The following ZNF599 variants were observed in gnomAD, a reference collection of about 807,000 sequenced individuals.
ZNF599 encodes the protein zinc finger protein 599.
Under a neutral mutation model 11.7 loss-of-function variants are expected in ZNF599, and 10 were observed. That is an observed-to-expected ratio of 0.86 (90% CI 0.53 to 1.45). The LOEUF is 1.45. Ranked by LOEUF, ZNF599 falls within the 40% of genes most tolerant of loss-of-function variation. The probability of loss-of-function intolerance (pLI) is 0.00; values close to 1 mark genes in which losing one functional copy is unlikely to be tolerated. For synonymous variants in ZNF599, 232 were observed against 253.2 expected, an observed-to-expected ratio of 0.92 and a Z score of 0.79; for missense variants, 688 against 713.6, an observed-to-expected ratio of 0.96 and a Z score of 0.41.
At position 34,759,418 on chromosome 19, in the gene ZNF599, T is replaced by C. The variant is rs143329614; in HGVS notation, c.1383A>G (p.Thr461=). The change falls in exon 4 of 4, where the codon ACA becomes ACG. Residue 461 remains threonine (T), a synonymous_variant. Coordinates refer to ENST00000329285, the MANE Select transcript of ZNF599 (RefSeq NM_001007248.3). The stretch of plus-strand genomic sequence containing the variant: ...TATGTCGAATAAAAACAGAGTGGTG[T>C]GTAAAAGCCTTTCCACATTCACTGC... The part of the protein sequence containing the change: ...YECSECGKAF[T]HHSVFIRHNR... The C allele has an allele frequency of 6.2e-7, 1 of 1,613,962 alleles. No homozygotes were observed. The highest frequency in any genetic ancestry group is 8.5e-7 in the Non-Finnish European group (1 of 1,179,986).
chr19:34,788,023 C>T, the ZNF599 span, among the ~76,000 whole-genome samples: 6 of 152,162 alleles, frequency 3.9e-5, no homozygotes, highest in East Asian at 1.9e-4. Context: ...TTATTATTCC[C>T]TGAACAATAC....
upstream of ZNF599, chr19:34,773,223 C>A: frequency 4.1e-6 from 1 of 243,504 alleles, no homozygotes; most frequent in Non-Finnish European, 7.9e-6. Flanking sequence ...CCGGAAGTCC[C>A]GCCCACGCCG....
rs868778707 is a variant in ZNF599 at position 34,759,795 on chromosome 19, T to C, written c.1006A>G (p.Lys336Glu). ...FAQHMRIHTG[K>E]KLYECGECGK... is the part of the protein sequence containing the mutation. ...CATTCACCGCACTCATAGAGTTTCT[T>C]TCCAGTATGAATCCTCATATGTTGA... Residue 336 changes from lysine (K) to glutamate (E), a missense_variant, in exon 4 of 4, where the codon AAG (lysine) becomes GAG (glutamate). Coordinates refer to ENST00000329285, the MANE Select transcript of ZNF599 (RefSeq NM_001007248.3). The C allele has an allele frequency of 6.2e-7, 1 of 1,614,128 alleles. No individual in the cohort carries two copies. Among genetic ancestry groups the C allele is most frequent in the Non-Finnish European group, 8.5e-7 (1 of 1,180,022 alleles).
chr19:34,770,963 T>C (rs181683130), intron 1 of ZNF599, among the ~76,000 whole-genome samples: 13 of 152,254 alleles, frequency 8.5e-5, no homozygotes, highest in African/African-American at 2.4e-4. Context: ...TCCAATCCAC[T>C]GTGGGTGAAA....
rs2069087860 is a variant in ZNF599 at position 34,758,812 on chromosome 19, C to G, written c.*222G>C. 4 of 536,780 alleles carry G rather than the reference C, an allele frequency of 7.5e-6. No homozygotes were observed. In the South Asian group the frequency reaches 1.1e-4, roughly 14 times the overall value. The allele number at this position is 536,780 out of a possible 1,614,324, so 33.3% of individuals were successfully genotyped here. ...CTCAGGTACAGTGTAAGGCTCTAAA[C>G]TGGGTGAATCTTTAATATAATTCTT... On this transcript the variant is annotated 3_prime_UTR_variant, in exon 4 of 4. Transcript: ENST00000329285.
chr19:34,806,672 T>G, the ZNF599 span, among the ~76,000 whole-genome samples: 2 of 152,104 alleles, frequency 1.3e-5, no homozygotes, highest in African/African-American at 4.8e-5. Flanking sequence ...CTTTTGATGT[T>G]AGAGGGCTGA....
At chr19:34,777,387 A>AATATATAATATATATT (rs1210896095), upstream of ZNF599, among the ~76,000 whole-genome samples, 6 of 89,290 alleles carry the variant, frequency 6.7e-5, no homozygotes, top group African/African-American at 2.8e-4. Flanking sequence ...TATATTAATT[A>AATATATAATATATATT]ATATATAATA....
the ZNF599 span, chr19:34,788,670 C>T: frequency 3.8e-4 from 58 of 151,916 alleles, no homozygotes; most frequent in African/African-American, 1.3e-3. Context: ...AGAGAGAAGG[C>T]ACATCTGTGG....
intron 1 of ZNF599, 33 bp downstream of exon 1, chr19:34,772,791 G>A (rs1315922447): frequency 2.6e-6 from 4 of 1,534,722 alleles, no homozygotes; most frequent in Non-Finnish European, 2.6e-6. Flanking sequence ...GCGGTGACCC[G>A]AGCTCGCGCG....
rs1263157645 is a variant in ZNF599 at position 34,758,963 on chromosome 19, A to G, written c.*71T>C. ...ATATTTCCCTCAATAGTTATACTCA[A>G]AAGGAAAGGTATGTCACCACTATGA... On this transcript the variant is annotated 3_prime_UTR_variant, in exon 4 of 4. Transcript: ENST00000329285. The G allele has an allele frequency of 6.1e-6, 9 of 1,467,550 alleles. No homozygotes were observed. Among genetic ancestry groups the G allele is most frequent in the Non-Finnish European group, 8.3e-6 (9 of 1,087,568 alleles). 90.9% of individuals were successfully genotyped at this position (1,467,550 alleles called of 1,614,324 possible). A position where few individuals can be genotyped will look rare whatever the true frequency, so the allele number is the denominator to read the frequency against.
the ZNF599 span, among the ~76,000 whole-genome samples, chr19:34,790,112 T>C: frequency 6.6e-6 from 1 of 152,350 alleles, no homozygotes; most frequent in East Asian, 1.9e-4. Context: ...GAGACTGTCC[T>C]TTTCCCATGG....
chr19:34,759,350 C>A lies in ZNF599; in HGVS notation c.1451G>T (p.Cys484Phe), dbSNP rs1448401098. The A allele has an allele frequency of 6.2e-7, 1 of 1,614,078 alleles. No homozygotes were observed. Among genetic ancestry groups the A allele is most frequent in the Non-Finnish European group, 8.5e-7 (1 of 1,180,012 alleles). The change falls in exon 4 of 4, where the codon TGT becomes TTT. Residue 484 changes from cysteine to phenylalanine, a missense_variant. Cys to Phe is a radical substitution (Grantham distance 205). Transcript: ENST00000329285. ...SGQKPLECKE[C>F]AKAFYYSSSF... ...AGAGCTATAGTAAAAGGCTTTTGCA[C>A]ATTCTTTGCACTCCAAGGGTTTTTG...
At position 34,772,870 on chromosome 19, in the gene ZNF599, G is replaced by A. The variant is rs2069193652; in HGVS notation, c.-29C>T. ...CCCAGGGGGCTGGGTGAGGCCGTGA[G>A]AGTCGGCGAGGAAGCCGGTCCTGCG... is the stretch of plus-strand genomic sequence containing the variant. On this transcript the variant is annotated 5_prime_UTR_variant, in exon 1 of 4. Transcript: ENST00000329285. 1.4e-6 allele frequency: 2 copies of A among 1,442,712 alleles called. No homozygotes were observed. The highest frequency in any genetic ancestry group is 1.5e-5 in the African/African-American group (1 of 66,880). 89.4% of individuals were successfully genotyped at this position (1,442,712 alleles called of 1,614,324 possible). A position where few individuals can be genotyped will look rare whatever the true frequency, so the allele number is the denominator to read the frequency against.
chr19:34,784,274 CTG>C, the ZNF599 span, among the ~76,000 whole-genome samples: 1 of 152,154 alleles, frequency 6.6e-6, no homozygotes, highest in East Asian at 1.9e-4. Flanking sequence ...CATCTTCTCT[CTG>C]TGTGTGTCTG....
chr19:34,805,531 A>C, the ZNF599 span, among the ~76,000 whole-genome samples: 1 of 152,012 alleles, frequency 6.6e-6, no homozygotes, highest in Non-Finnish European at 1.5e-5. Flanking sequence ...ACATTAGAAA[A>C]TCCAGCATTC....
intron 1 of ZNF599, 55 bp downstream of exon 1, chr19:34,772,769 G>A: frequency 6.5e-7 from 1 of 1,534,814 alleles, no homozygotes; most frequent in South Asian, 1.2e-5. Flanking sequence ...TACAGCGGAT[G>A]GGTGCATGCG....
chr19:34,772,549 T>G, intron 1 of ZNF599: 1 of 1,341,704 alleles, frequency 7.5e-7, no homozygotes, highest in Non-Finnish European at 9.5e-7. Context: ...GACTCGCATT[T>G]TAGACCCGAG....
In ZNF599 at chr19:34,760,346, T is replaced by C. The variant is rs1255953760; in HGVS notation, c.455A>G (p.Tyr152Cys). Residue 152 changes from tyrosine (Y) to cysteine (C), a missense_variant, in exon 4 of 4, where the codon TAT (tyrosine) becomes TGT (cysteine). By Grantham distance (194) the Tyr-to-Cys change is radical (BLOSUM62 -2). Coordinates refer to ENST00000329285, the MANE Select transcript of ZNF599 (RefSeq NM_001007248.3). ...ATCTGGCTCCAAATCATCATGTTTA[T>C]AACTCAACTTCTCAGGGCATATCTC... ...HKEICPEKLSYKHDDLEPDDS... is the reference protein window; with the variant it reads ...HKEICPEKLSCKHDDLEPDDS... 6 of 1,614,112 alleles carry C rather than the reference T, an allele frequency of 3.7e-6. No individual in the cohort carries two copies. The Admixed American group carries it at 6.7e-5, about 18-fold the overall frequency.
At chr19:34,776,176 A>G (rs545244203), upstream of ZNF599, among the ~76,000 whole-genome samples, 1 of 152,348 alleles carries the variant, frequency 6.6e-6, no homozygotes, top group African/African-American at 2.4e-5. Flanking sequence ...ATTTATTTCA[A>G]AACCTCTTTG....
Sources: allele counts gnomAD v4.1 joint callset (sites outside exome capture counted in the v4.1 genomes callset), GRCh38; gene constraint gnomAD v4.1.1; transcripts MANE v1.5; gene names NCBI Gene and HGNC (gene_info 2026-07-23, HGNC 2026-07-21).